GRM7: variants seen among roughly 807,000 people sequenced by gnomAD.
GRM7 encodes the protein metabotropic glutamate receptor 7.
Under a neutral mutation model 84.5 loss-of-function variants are expected in GRM7, and 35 were observed. That is an observed-to-expected ratio of 0.41 (90% CI 0.32 to 0.55). GRM7 has a LOEUF of 0.55. Among genes scored for constraint, GRM7 ranks in the 20% least tolerant of loss-of-function variants. GRM7 has a pLI of 0.19. For missense variants in GRM7, 1,003 were observed against 1,194.6 expected, an observed-to-expected ratio of 0.84 and a Z score of 2.36; for synonymous variants, 487 against 455.1, an observed-to-expected ratio of 1.07 and a Z score of -0.89.
At chr3:7,283,832 T>C (rs1699336490) in intron 2 of GRM7, among the ~76,000 whole-genome samples, 1 of 152,216 alleles carries the variant, frequency 6.6e-6, no homozygotes, top group South Asian at 2.1e-4. Flanking sequence ...TAAGCAGGCA[T>C]TTAAAAAGAA....
chr3:7,062,600 G>T (rs1697467619), intron 1 of GRM7, among the ~76,000 whole-genome samples: 1 of 151,676 alleles, frequency 6.6e-6, no homozygotes, highest in East Asian at 1.9e-4. Context: ...CACAAAATGG[G>T]TCAACCCAAG....
At position 7,578,629 on chromosome 3, in the gene GRM7, G is replaced by A. The variant is rs893059495; in HGVS notation, c.1723G>A (p.Gly575Arg). The A allele has an allele frequency of 3.6e-5, 58 of 1,613,674 alleles. No homozygotes were observed. The highest frequency in any genetic ancestry group is 4.7e-5 in the Non-Finnish European group (55 of 1,179,818). ...CCAGAGGCCCAATGAAAATCGAACC[G>A]GATGCCAGGATATTCCCATCATCAA... ...YDQRPNENRT[G>R]CQDIPIIKLE... The change falls in exon 8 of 10, where the codon GGA becomes AGA. Residue 575 changes from glycine to arginine, a missense_variant. Transcript: ENST00000357716.
intron 4 of GRM7, among the ~76,000 whole-genome samples, chr3:7,382,224 T>G (rs548206404): frequency 6.6e-6 from 1 of 152,182 alleles, no homozygotes; most frequent in Non-Finnish European, 1.5e-5. Context: ...CTGTACCAAG[T>G]TGATGATAAT....
intron 1 of GRM7, among the ~76,000 whole-genome samples, chr3:7,023,620 A>G (rs2124915981): frequency 6.6e-6 from 1 of 152,312 alleles, no homozygotes; most frequent in East Asian, 1.9e-4. Flanking sequence ...GGAGTAAACC[A>G]TGCTGGTTCC....
At chr3:6,914,591 T>C (rs1307846916) in intron 1 of GRM7, among the ~76,000 whole-genome samples, 2 of 151,892 alleles carry the variant, frequency 1.3e-5, no homozygotes, top group East Asian at 3.9e-4. Context: ...TTAGTAGAGA[T>C]GGGGTTTCAC....
At chr3:7,587,443 G>A (rs931405180) in intron 8 of GRM7, among the ~76,000 whole-genome samples, 2 of 152,132 alleles carry the variant, frequency 1.3e-5, no homozygotes, top group African/African-American at 4.8e-5. Context: ...GTCCCCAGAA[G>A]GTAAAATAGT....
intron 9 of GRM7, among the ~76,000 whole-genome samples, chr3:7,691,930 A>G (rs916698136): frequency 6.6e-6 from 1 of 152,134 alleles, no homozygotes; most frequent in Non-Finnish European, 1.5e-5. Flanking sequence ...AAGTGCTGGG[A>G]TTACAGGTGT....
At chr3:7,259,509 A>G (rs1409028973) in intron 2 of GRM7, among the ~76,000 whole-genome samples, 1 of 152,164 alleles carries the variant, frequency 6.6e-6, no homozygotes, top group Non-Finnish European at 1.5e-5. Flanking sequence ...CTCATCATTT[A>G]GCCCCCACTT....
At chr3:7,449,765 A>G (rs1269271274) in intron 5 of GRM7, among the ~76,000 whole-genome samples, 6 of 152,176 alleles carry the variant, frequency 3.9e-5, no homozygotes, top group Non-Finnish European at 8.8e-5. Context: ...ATATGGTAAG[A>G]GATAAAATTT....
At chr3:7,589,233 G>T (rs1040137894) in intron 8 of GRM7, among the ~76,000 whole-genome samples, 1 of 152,170 alleles carries the variant, frequency 6.6e-6, no homozygotes, top group African/African-American at 2.4e-5. Flanking sequence ...TTTTCATGTT[G>T]CAGATCTTGA....
intron 2 of GRM7, among the ~76,000 whole-genome samples, chr3:7,289,384 T>C (rs904582425): frequency 1.3e-5 from 2 of 152,108 alleles, no homozygotes; most frequent in South Asian, 2.1e-4. Flanking sequence ...GCAGAGGTCA[T>C]TGTAGTCTTG....
At chr3:7,464,417 A>G (rs1698376566) in intron 7 of GRM7, among the ~76,000 whole-genome samples, 1 of 152,220 alleles carries the variant, frequency 6.6e-6, no homozygotes, top group African/African-American at 2.4e-5. Context: ...AAGCTCAGAC[A>G]ACAGTTGTGA....
At chr3:7,596,159 C>T (rs1334001701) in intron 8 of GRM7, among the ~76,000 whole-genome samples, 1 of 152,050 alleles carries the variant, frequency 6.6e-6, no homozygotes, top group African/African-American at 2.4e-5. Context: ...GTGATTGATG[C>T]TATATAAGGT....
At chr3:7,705,178 G>A (rs1022059357) in intron 9 of GRM7, among the ~76,000 whole-genome samples, 3 of 152,098 alleles carry the variant, frequency 2.0e-5, no homozygotes, top group Non-Finnish European at 4.4e-5. Flanking sequence ...TGTCATCCTT[G>A]AATGTGAAGG....
chr3:7,110,488 G>A lies in GRM7; in HGVS notation c.520-35964G>A, dbSNP rs370287583. Among the ~76,000 whole-genome samples the A allele has an allele frequency of 2.0e-4, 30 of 151,848 alleles. No homozygotes were observed. The South Asian group carries it at 4.8e-3, about 24-fold the overall frequency. ...TGATGGCTAGTAATCCCAGCTACTC[G>A]GGAGGCTGAGACAGGAGAATCGCTT... is the stretch of plus-strand genomic sequence containing the variant. On this transcript the variant is annotated intron_variant, in intron 1 of 9. Coordinates refer to ENST00000357716, the MANE Select transcript of GRM7 (RefSeq NM_000844.4).
chr3:6,897,916 A>G (rs1161413098), intron 1 of GRM7, among the ~76,000 whole-genome samples: 1 of 152,180 alleles, frequency 6.6e-6, no homozygotes, highest in Non-Finnish European at 1.5e-5. Context: ...GGGCCTCCCC[A>G]TAGAGGCTGT....
At position 7,534,003 on chromosome 3, in the gene GRM7, G is replaced by A. The variant is rs975615835; in HGVS notation, c.1516-44419G>A. Among the ~76,000 whole-genome samples the A allele has an allele frequency of 4.2e-5, 6 of 143,672 alleles. No individual in the cohort carries two copies. The East Asian group carries it at 1.3e-3, about 30-fold the overall frequency. 94.3% of individuals were successfully genotyped at this position (143,672 alleles called of 152,430 possible). On this transcript the variant is annotated intron_variant, in intron 7 of 9. Coordinates refer to ENST00000357716, the MANE Select transcript of GRM7 (RefSeq NM_000844.4). ...AGTATTTAAAATGTGGCATAGAAAG[G>A]GCTGAATACTTTTTTTTTTTTTTTT...
chr3:6,965,721 T>G (rs1417288741), intron 1 of GRM7, among the ~76,000 whole-genome samples: 1 of 152,130 alleles, frequency 6.6e-6, no homozygotes, highest in African/African-American at 2.4e-5. Flanking sequence ...AATTAAAATC[T>G]TAGGTTGTTC....
At chr3:7,051,715 C>G (rs565166339) in intron 1 of GRM7, among the ~76,000 whole-genome samples, 2 of 151,800 alleles carry the variant, frequency 1.3e-5, no homozygotes, top group Admixed American at 1.3e-4. Context: ...TAAATGAAGT[C>G]AGCAACCTAA....
Sources: allele counts gnomAD v4.1 joint callset (sites outside exome capture counted in the v4.1 genomes callset), GRCh38; gene constraint gnomAD v4.1.1; transcripts MANE v1.5; gene names NCBI Gene and HGNC (gene_info 2026-07-23, HGNC 2026-07-21).